IL1RAPL2: variants seen among roughly 807,000 people sequenced by gnomAD.
The protein encoded by IL1RAPL2 is X-linked interleukin-1 receptor accessory protein-like 2.
Under a neutral mutation model 44.1 loss-of-function variants are expected in IL1RAPL2, and 3 were observed. The ratio of observed to expected loss-of-function variants is 0.07; its 90% confidence interval spans 0.03 to 0.18. The LOEUF is 0.18. Among genes scored for constraint, IL1RAPL2 ranks in the 10% least tolerant of loss-of-function variants. The pLI is 1.00. For synonymous variants in IL1RAPL2, 181 were observed against 178.8 expected (o/e 1.01, Z -0.10); for missense variants, 391 against 496.4 (o/e 0.79, Z 2.02).
chrX:104,940,577 G>T (rs189666776), intron 2 of IL1RAPL2, among the ~76,000 whole-genome samples: 8 of 110,486 alleles, frequency 7.2e-5, no homozygotes, highest in African/African-American at 2.6e-4. Context: ...CTTATTTGGG[G>T]GTTTATTGTG....
intron 5 of IL1RAPL2, among the ~76,000 whole-genome samples, chrX:105,334,458 C>T (rs1336726879): frequency 9.0e-6 from 1 of 111,130 alleles, no homozygotes; most frequent in Non-Finnish European, 1.9e-5. Context: ...GATAACACAA[C>T]AGGGAGACTA....
At chrX:105,088,903 G>A (rs1331410105) in intron 2 of IL1RAPL2, among the ~76,000 whole-genome samples, 2 of 111,418 alleles carry the variant, frequency 1.8e-5, no homozygotes, top group African/African-American at 6.5e-5. Context: ...AAATAGCTGA[G>A]CCCCATTAGT....
chrX:104,925,690 G>A (rs1358083835), intron 2 of IL1RAPL2, among the ~76,000 whole-genome samples: 1 of 111,547 alleles, frequency 9.0e-6, no homozygotes, highest in East Asian at 2.8e-4. Flanking sequence ...AGGTATTGAA[G>A]GAACATACCT....
chrX:105,256,615 G>A (rs960022813), intron 4 of IL1RAPL2, among the ~76,000 whole-genome samples: 3 of 111,069 alleles, frequency 2.7e-5, no homozygotes, highest in Non-Finnish European at 3.8e-5. Context: ...AGGCGTGAGC[G>A]ACCGTGCCTG....
chrX:105,283,334 A>G (rs1267969706), intron 5 of IL1RAPL2, among the ~76,000 whole-genome samples: 1 of 111,438 alleles, frequency 9.0e-6, no homozygotes, highest in Non-Finnish European at 1.9e-5. Flanking sequence ...GAGATTGGGG[A>G]TGGCCTACTT....
intron 5 of IL1RAPL2, among the ~76,000 whole-genome samples, chrX:105,342,989 A>G (rs1055780366): frequency 2.7e-5 from 3 of 111,346 alleles, no homozygotes; most frequent in Non-Finnish European, 3.8e-5. Flanking sequence ...ACAGGGAAGG[A>G]CAGCAATTGG....
chrX:105,627,117 C>T (rs2037458466), intron 6 of IL1RAPL2, among the ~76,000 whole-genome samples: 1 of 111,906 alleles, frequency 8.9e-6, no homozygotes, highest in South Asian at 3.7e-4. Context: ...TTAGTAGGAG[C>T]TTACATGGCC....
rs780529678 is a variant in IL1RAPL2, at chrX:105,686,027, C to T, written c.773-31340C>T. On this transcript the variant is annotated intron_variant, in intron 6 of 10. Transcript: ENST00000372582. ...CTGAGAGATTTTGTCACCACCAGGC[C>T]TGCCTTACAAGAGCTTCTGAAGGAA... Among the ~76,000 whole-genome samples, 3 of 111,418 alleles carry T rather than the reference C, an allele frequency of 2.7e-5. No homozygotes were observed. In the East Asian group the frequency reaches 8.5e-4, roughly 32 times the overall value.
chrX:104,856,499 T>C (rs1376266297), intron 2 of IL1RAPL2, among the ~76,000 whole-genome samples: 5 of 111,967 alleles, frequency 4.5e-5, no homozygotes, highest in African/African-American at 1.6e-4. Context: ...TGGTAAGAAA[T>C]TGTTTTCCCC....
rs756450491 is a variant in IL1RAPL2 at position 104,895,687 on chromosome X, G to A, written c.82+236692G>A. 7.1e-5 allele frequency among the ~76,000 whole-genome samples: 8 copies of A among 111,914 alleles called. No homozygotes were observed. The East Asian group carries it at 8.6e-4, about 12-fold the overall frequency. ...GATTTTCCAGGTGCTGTCTGTCACC[G>A]CTTCCCTTGGCTAGGAAAGAGAATT... On this transcript the variant is annotated intron_variant, in intron 2 of 10. Transcript: ENST00000372582.
chrX:104,628,635 T>A (rs1929567971), intron 1 of IL1RAPL2, among the ~76,000 whole-genome samples: 1 of 112,145 alleles, frequency 8.9e-6, no homozygotes, highest in Non-Finnish European at 1.9e-5. Context: ...TACTGATTCC[T>A]TTTCCTGTGG....
rs149602792 is a variant in IL1RAPL2 at position 104,995,684 on chromosome X, T to C, written c.83-199791T>C. 9.5e-3 allele frequency among the ~76,000 whole-genome samples: 1,068 copies of C among 112,050 alleles called. 18 individuals are homozygous for C. The highest frequency in any genetic ancestry group is 0.032 in the African/African-American group (978 of 30,919). ...CACAAGCTCCAATTTATCTTTATGA[T>C]AGAATGTGCAGAAAGTGCTACTTTT... is the stretch of plus-strand genomic sequence containing the variant. On this transcript the variant is annotated intron_variant, in intron 2 of 10. Transcript: ENST00000372582.
intron 2 of IL1RAPL2, among the ~76,000 whole-genome samples, chrX:104,995,529 T>TA (rs2147733861): frequency 9.0e-6 from 1 of 111,639 alleles, no homozygotes; most frequent in African/African-American, 3.2e-5. Context: ...CCATTGTAAC[T>TA]AAAAAAAGCA....
intron 1 of IL1RAPL2, among the ~76,000 whole-genome samples, chrX:104,590,389 A>C (rs2147996558): frequency 8.9e-6 from 1 of 111,783 alleles, no homozygotes; most frequent in East Asian, 2.8e-4. Flanking sequence ...ACTAGTTTTG[A>C]ATATTTTATC....
chrX:104,741,560 G>T (rs893164330), intron 2 of IL1RAPL2, among the ~76,000 whole-genome samples: 1 of 110,577 alleles, frequency 9.0e-6, no homozygotes, highest in Non-Finnish European at 1.9e-5. Flanking sequence ...TGAACCTATT[G>T]TCTCTAGCCT....
chrX:105,190,446 T>G (rs2033623718), intron 2 of IL1RAPL2, among the ~76,000 whole-genome samples: 1 of 112,372 alleles, frequency 8.9e-6, no homozygotes, highest in Non-Finnish European at 1.9e-5. Context: ...TAGTGGTAAT[T>G]TTATGAATTG....
intron 2 of IL1RAPL2, among the ~76,000 whole-genome samples, chrX:105,072,442 G>T (rs1447227189): frequency 9.0e-6 from 1 of 111,144 alleles, no homozygotes; most frequent in East Asian, 2.8e-4. Flanking sequence ...CTGGGTGACA[G>T]GCAGAGTTGG....
intron 1 of IL1RAPL2, among the ~76,000 whole-genome samples, chrX:104,585,387 TATATATA>T (rs1210150043): frequency 1.6e-4 from 4 of 24,706 alleles, no homozygotes; most frequent in African/African-American, 1.4e-3. Context: ...TAATATATAT[TATATATA>T]ATATATAATA....
chrX:105,073,950 C>T (rs1173856159), intron 2 of IL1RAPL2, among the ~76,000 whole-genome samples: 1 of 111,001 alleles, frequency 9.0e-6, no homozygotes, highest in Non-Finnish European at 1.9e-5. Flanking sequence ...AGCCCTTTGT[C>T]CAATGAGTAG....
Sources: allele counts gnomAD v4.1 joint callset (sites outside exome capture counted in the v4.1 genomes callset), GRCh38; gene constraint gnomAD v4.1.1; transcripts MANE v1.5; gene names NCBI Gene and HGNC (gene_info 2026-07-23, HGNC 2026-07-21).